The following ARL5A variants were observed in gnomAD, a reference collection of about 807,000 sequenced individuals.
ARL5A encodes ARF like GTPase 5A.
ARL5A carries 18 observed loss-of-function variants against 25.9 expected under a neutral mutation model. The ratio of observed to expected loss-of-function variants is 0.69; its 90% CI spans 0.48 to 1.03. ARL5A has a LOEUF of 1.03. Among genes scored for constraint, ARL5A ranks in the 50% least tolerant of loss-of-function variants. The pLI is 0.00. For missense variants in ARL5A, 170 were observed against 211.9 expected, an observed-to-expected ratio of 0.80 and a Z score of 1.23; for synonymous variants, 61 against 67.5, an observed-to-expected ratio of 0.90 and a Z score of 0.47.
intron 2 of ARL5A, 29 bp downstream of exon 2, chr2:151,815,110 A>C (rs776896976): frequency 1.3e-6 from 2 of 1,534,942 alleles, no homozygotes; most frequent in East Asian, 2.3e-5. Flanking sequence ...ACTAGAAATA[A>C]AATAATTTTT....
intron 5 of ARL5A, among the ~76,000 whole-genome samples, chr2:151,803,545 A>G (rs1401145564): frequency 2.0e-5 from 3 of 152,070 alleles, no homozygotes; most frequent in Non-Finnish European, 4.4e-5. Flanking sequence ...ACAGGGTCTC[A>G]CTCTGTCACC....
At chr2:151,805,286 G>A (rs2099829943) in intron 5 of ARL5A, among the ~76,000 whole-genome samples, 1 of 151,656 alleles carries the variant, frequency 6.6e-6, no homozygotes, top group African/African-American at 2.4e-5. Context: ...CAGTAACAGT[G>A]CCTTCTATTA....
chr2:151,807,018 A>AT, intron 4 of ARL5A, 46 bp from the exon 5 acceptor site: 1 of 1,504,222 alleles, frequency 6.6e-7, no homozygotes, highest in South Asian at 1.3e-5. Flanking sequence ...TTTTCCACAT[A>AT]TTTTTCAACT....
At chr2:151,813,073 C>T (rs182870761) in intron 3 of ARL5A, among the ~76,000 whole-genome samples, 2 of 152,254 alleles carry the variant, frequency 1.3e-5, no homozygotes, top group African/African-American at 2.4e-5. Flanking sequence ...TCCTCAACTC[C>T]GTGAGCACCC....
chr2:151,823,036 C>G (rs931621099), intron 1 of ARL5A, among the ~76,000 whole-genome samples: 1 of 152,156 alleles, frequency 6.6e-6, no homozygotes, highest in African/African-American at 2.4e-5. Context: ...CATACAACAT[C>G]AGAAAACACA....
At chr2:151,827,262 G>A (rs1380607165) in intron 1 of ARL5A, among the ~76,000 whole-genome samples, 1 of 152,184 alleles carries the variant, frequency 6.6e-6, no homozygotes, top group Non-Finnish European at 1.5e-5. Context: ...CCCAGTTTTA[G>A]TCATTTTGTA....
intron 5 of ARL5A, among the ~76,000 whole-genome samples, chr2:151,805,340 C>T (rs1240536890): frequency 6.6e-6 from 1 of 151,982 alleles, no homozygotes; most frequent in Non-Finnish European, 1.5e-5. Flanking sequence ...CACCCTTCAT[C>T]GTGGTCTTGA....
chr2:151,808,141 A>T lies in ARL5A; in HGVS notation c.340-1169T>A, dbSNP rs185168540. ...AATAGCCTAAATTCCCTACATGGATACTGGGCCAAGAATCCATGAAGGATG... is the reference window on the plus strand; with the variant it reads ...AATAGCCTAAATTCCCTACATGGATTCTGGGCCAAGAATCCATGAAGGATG... On this transcript the variant is annotated intron_variant, in intron 4 of 5. Transcript: ENST00000295087. Among the ~76,000 whole-genome samples the T allele has an allele frequency of 1.1e-3, 161 of 152,338 alleles. 2 individuals are homozygous for T. The highest frequency in any genetic ancestry group is 3.6e-3 in the African/African-American group (149 of 41,578).
In ARL5A at chr2:151,828,197, C is replaced by T; in HGVS notation, c.-21G>A. On this transcript the variant is annotated 5_prime_UTR_variant, in exon 1 of 6. Transcript: ENST00000295087. Reference sequence around the variant, plus strand: ...CCCATTCTCGGGCAGCGGACCCCCCCCCTCCAGACACCCGGGCCGCCTGGC... The same window carrying T: ...CCCATTCTCGGGCAGCGGACCCCCCTCCTCCAGACACCCGGGCCGCCTGGC... The T allele has an allele frequency of 2.5e-6, 4 of 1,605,464 alleles. 1 individual carries two copies. Among genetic ancestry groups the T allele is most frequent in the South Asian group, 2.2e-5 (2 of 90,408 alleles).
intron 1 of ARL5A, among the ~76,000 whole-genome samples, chr2:151,825,958 A>G (rs549481061): frequency 1.4e-3 from 220 of 152,254 alleles, no homozygotes; most frequent in African/African-American, 5.1e-3. Context: ...CCCCATCTCT[A>G]CAAAAAATAC....
intron 1 of ARL5A, among the ~76,000 whole-genome samples, chr2:151,818,108 A>T (rs931841714): frequency 2.6e-5 from 4 of 152,224 alleles, no homozygotes; most frequent in African/African-American, 7.2e-5. Flanking sequence ...CATAAATAAG[A>T]ACAGCAAATG....
chr2:151,820,675 A>AAC (rs2099832172), intron 1 of ARL5A, among the ~76,000 whole-genome samples: 1 of 150,772 alleles, frequency 6.6e-6, no homozygotes, highest in South Asian at 2.1e-4. Context: ...AAAAAAAAAA[A>AAC]AAAAAAAAAA....
chr2:151,812,324 C>T (rs111462761), intron 4 of ARL5A, 33 bp downstream of exon 4: 3 of 1,419,486 alleles, frequency 2.1e-6, no homozygotes, highest in Non-Finnish European at 2.9e-6. Context: ...CATACCCTTC[C>T]CCATATCTAA....
chr2:151,811,821 C>T (rs931494201), intron 4 of ARL5A, among the ~76,000 whole-genome samples: 1 of 152,184 alleles, frequency 6.6e-6, no homozygotes, highest in East Asian at 1.9e-4. Flanking sequence ...ATCCCCCCAC[C>T]TCAGTCTCCT....
Position 151,802,775 on chromosome 2 carries a change from A to G in ARL5A, c.*501T>C, listed in dbSNP as rs1290957674. On this transcript the variant is annotated 3_prime_UTR_variant, in exon 6 of 6. Coordinates refer to ENST00000295087, the MANE Select transcript of ARL5A (RefSeq NM_012097.4). Reference sequence around the variant, plus strand: ...TGTGTTATTTTTGTCTGGAACATAAATCAATGCCATTAACTTGAACTTGAG... The same window carrying G: ...TGTGTTATTTTTGTCTGGAACATAAGTCAATGCCATTAACTTGAACTTGAG... The G allele has an allele frequency of 1.3e-5, 2 of 153,278 alleles. No individual in the cohort carries two copies. Among genetic ancestry groups the G allele is most frequent in the Non-Finnish European group, 2.9e-5 (2 of 68,522 alleles). 9.5% of individuals were successfully genotyped at this position (153,278 alleles called of 1,614,324 possible).
rs1259576060 is a variant in ARL5A at position 151,828,420 on chromosome 2, G to C, written c.-244C>G. On this transcript the variant is annotated 5_prime_UTR_variant, in exon 1 of 6. Transcript: ENST00000295087. ...CGCGGACATCGCCGCCGCGTTGTCT[G>C]CGACGAGCCTCGCGGGCCACCGTCC... The C allele has an allele frequency of 2.7e-6, 1 of 367,428 alleles. No homozygotes were observed. The highest frequency in any genetic ancestry group is 2.1e-5 in the African/African-American group (1 of 46,698). The allele number at this position is 367,428 out of a possible 1,614,324, so 22.8% of individuals were successfully genotyped here.
chr2:151,826,278 G>A (rs1007106660), intron 1 of ARL5A, among the ~76,000 whole-genome samples: 1 of 152,052 alleles, frequency 6.6e-6, no homozygotes, highest in Non-Finnish European at 1.5e-5. Context: ...TAATTTTCTA[G>A]AACTTAACTT....
At position 151,798,870 on chromosome 2, in the gene ARL5A, G is replaced by A. The variant is rs1176904656; in HGVS notation, c.*4406C>T. On this transcript the variant is annotated 3_prime_UTR_variant, in exon 6 of 6. Coordinates refer to ENST00000295087, the MANE Select transcript of ARL5A (RefSeq NM_012097.4). Reference sequence around the variant, plus strand: ...AAATCCATTTTTAGGCACTTCTTGAGTACAGACTATGGGAATTTTCTACCA... The same window carrying A: ...AAATCCATTTTTAGGCACTTCTTGAATACAGACTATGGGAATTTTCTACCA... The A allele has an allele frequency of 2.6e-5, 4 of 151,990 alleles. No homozygotes were observed. The East Asian group carries it at 7.7e-4, about 29-fold the overall frequency. The allele number at this position is 151,990 out of a possible 1,614,324, so 9.4% of individuals were successfully genotyped here.
intron 1 of ARL5A, among the ~76,000 whole-genome samples, chr2:151,825,896 G>A (rs112003704): frequency 1.3e-5 from 2 of 151,868 alleles, no homozygotes; most frequent in African/African-American, 2.4e-5. Context: ...AGCCCAAGGC[G>A]GGTGGATCAC....
Sources: gnomAD v4.1 joint callset for allele counts (sites outside exome capture counted in the v4.1 genomes callset) on GRCh38, gnomAD v4.1.1 for gene constraint, MANE v1.5 for transcripts, NCBI Gene and HGNC (gene_info 2026-07-23, HGNC 2026-07-21) for gene names.